The following CNTN5 variants were observed in gnomAD, a reference collection of about 807,000 sequenced individuals.
CNTN5 encodes the protein contactin 5, also known as contactin-5.
CNTN5 carries 77 observed loss-of-function variants against 129.1 expected under a neutral mutation model. The ratio of observed to expected loss-of-function variants is 0.60; its 90% CI spans 0.50 to 0.72. CNTN5 has a LOEUF of 0.72. CNTN5 is among the 30% of genes least tolerant of loss of function. The probability of loss-of-function intolerance (pLI) is 0.00; values close to 1 mark genes in which losing one functional copy is unlikely to be tolerated. For synonymous variants in CNTN5, 509 were observed against 465.6 expected (o/e 1.09, Z -1.20); for missense variants, 1,478 against 1,328.8 (o/e 1.11, Z -1.75).
intron 18 of CNTN5, among the ~76,000 whole-genome samples, chr11:100,289,425 T>G (rs1950894735): frequency 6.6e-6 from 1 of 150,666 alleles, no homozygotes; most frequent in South Asian, 2.1e-4. Flanking sequence ...TCACGTGGGC[T>G]TCACCCCTGG....
intron 10 of CNTN5, among the ~76,000 whole-genome samples, chr11:100,064,555 A>C (rs1943619337): frequency 6.6e-6 from 1 of 152,134 alleles, no homozygotes; most frequent in East Asian, 1.9e-4. Flanking sequence ...TAAAATACTA[A>C]GTTTTGGAAA....
chr11:100,013,518 T>G (rs2137532786), intron 9 of CNTN5, among the ~76,000 whole-genome samples: 1 of 152,326 alleles, frequency 6.6e-6, no homozygotes, highest in Admixed American at 6.5e-5. Context: ...ACTAAACTTC[T>G]ACCTTGTCCT....
chr11:99,308,859 A>G (rs1186209315), intron 1 of CNTN5, among the ~76,000 whole-genome samples: 3 of 152,006 alleles, frequency 2.0e-5, no homozygotes, highest in African/African-American at 7.2e-5. Context: ...TTCAGTTTGC[A>G]TATTTTTATT....
At position 99,450,129 on chromosome 11, in the gene CNTN5, G is replaced by A. The variant is rs548125778; in HGVS notation, c.-70-106016G>A. Among the ~76,000 whole-genome samples the A allele has an allele frequency of 2.3e-3, 356 of 151,960 alleles. 3 individuals carry two copies. The highest frequency in any genetic ancestry group is 0.015 in the South Asian group (71 of 4,810). On this transcript the variant is annotated intron_variant, in intron 2 of 24. Transcript: ENST00000524871. ...TTAGTGTTATTCCCCAGTGTTTGGGGAAAAAGAGTTACTGAAAAGAGCTCA... is the reference window on the plus strand; with the variant it reads ...TTAGTGTTATTCCCCAGTGTTTGGGAAAAAAGAGTTACTGAAAAGAGCTCA...
At chr11:99,666,365 C>A (rs1182347864) in intron 3 of CNTN5, among the ~76,000 whole-genome samples, 1 of 152,118 alleles carries the variant, frequency 6.6e-6, no homozygotes, top group African/African-American at 2.4e-5. Flanking sequence ...TTGGTCTCTT[C>A]TTGACTTTTT....
At chr11:99,918,497 C>T (rs894689347) in intron 7 of CNTN5, among the ~76,000 whole-genome samples, 1 of 151,848 alleles carries the variant, frequency 6.6e-6, no homozygotes, top group Non-Finnish European at 1.5e-5. Context: ...ATGTGTCTTC[C>T]CCAGTCTCAC....
chr11:100,269,591 T>C (rs1428146501), intron 17 of CNTN5, among the ~76,000 whole-genome samples: 1 of 152,168 alleles, frequency 6.6e-6, no homozygotes, highest in Non-Finnish European at 1.5e-5. Flanking sequence ...CTTTAGTTTC[T>C]ATTGGAGTAA....
At chr11:99,996,979 CA>C (rs1939491764) in intron 8 of CNTN5, among the ~76,000 whole-genome samples, 1 of 152,100 alleles carries the variant, frequency 6.6e-6, no homozygotes, top group Non-Finnish European at 1.5e-5. Context: ...GACACAGAGC[CA>C]AACCATATCA....
At chr11:99,963,809 T>C (rs1427452318) in intron 8 of CNTN5, among the ~76,000 whole-genome samples, 1 of 152,200 alleles carries the variant, frequency 6.6e-6, no homozygotes, top group African/African-American at 2.4e-5. Context: ...GTTCTTCCAT[T>C]TGTTTGTATC....
intron 2 of CNTN5, among the ~76,000 whole-genome samples, chr11:99,355,917 C>T (rs1938628228): frequency 6.6e-6 from 1 of 151,654 alleles, no homozygotes; most frequent in Non-Finnish European, 1.5e-5. Context: ...AGCTCCGCCA[C>T]TTGGGTTCAT....
At chr11:99,344,979 T>C (rs1937725520) in intron 2 of CNTN5, among the ~76,000 whole-genome samples, 1 of 152,168 alleles carries the variant, frequency 6.6e-6, no homozygotes, top group Non-Finnish European at 1.5e-5. Context: ...TGTAGCTTTC[T>C]GCATCTGAAG....
At position 99,556,251 on chromosome 11, in the gene CNTN5, G is replaced by A; in HGVS notation, c.37G>A (p.Val13Ile). 6.5e-7 allele frequency: 1 copy of A among 1,527,016 alleles called. No homozygotes were observed. Among genetic ancestry groups the A allele is most frequent in the African/African-American group, 1.4e-5 (1 of 72,670 alleles). 94.6% of individuals were successfully genotyped at this position (1,527,016 alleles called of 1,614,324 possible). The change falls in exon 3 of 25, where the codon GTC (valine) becomes ATC (isoleucine). Residue 13 changes from valine (V) to isoleucine (I), a missense_variant. Val to Ile is a conservative substitution (Grantham distance 29, BLOSUM62 3). Coordinates refer to ENST00000524871, the MANE Select transcript of CNTN5 (RefSeq NM_014361.4). The part of the protein sequence containing the change: ...SSWKLMLFLS[V>I]TMCLSEYSKS... ...TTGGAAACTAATGCTGTTTCTGTCA[G>A]TCACCATGTGTCTTTCAGGTAAAAG...
intron 2 of CNTN5, among the ~76,000 whole-genome samples, chr11:99,523,616 GAAT>G (rs1947355617): frequency 2.6e-5 from 1 of 39,066 alleles, no homozygotes; most frequent in African/African-American, 9.4e-5. Context: ...GAATAGAATA[GAAT>G]AGAATAGAAT....
chr11:99,991,267 A>G (rs1478050409), intron 8 of CNTN5, among the ~76,000 whole-genome samples: 1 of 152,132 alleles, frequency 6.6e-6, no homozygotes, highest in Non-Finnish European at 1.5e-5. Context: ...GGAGATCGAG[A>G]CCATCCTGAC....
chr11:100,176,027 CT>C (rs1025910244), intron 13 of CNTN5, among the ~76,000 whole-genome samples: 18 of 151,362 alleles, frequency 1.2e-4, no homozygotes, highest in African/African-American at 4.1e-4. Flanking sequence ...GGATTCATAA[CT>C]TTTTTTTTCT....
At chr11:99,247,509 G>A (rs1401870647) in intron 1 of CNTN5, among the ~76,000 whole-genome samples, 3 of 151,612 alleles carry the variant, frequency 2.0e-5, no homozygotes, top group African/African-American at 4.9e-5. Context: ...TGTGCACAAC[G>A]TGCAGGTTAG....
rs113485053 is a variant in CNTN5 at position 99,390,345 on chromosome 11, A to G, written c.-71+64861A>G. Among the ~76,000 whole-genome samples, 829 of 152,248 alleles carry G rather than the reference A, an allele frequency of 5.4e-3. 1 individual carries two copies. The highest frequency in any genetic ancestry group is 0.01 in the Middle Eastern group (3 of 294). On this transcript the variant is annotated intron_variant, in intron 2 of 24. Transcript: ENST00000524871. ...TATTGCCCACACTGGTCTTGAACCCATGGCTCAAACTATCCTCCAGTCTCA... is the reference window on the plus strand; with the variant it reads ...TATTGCCCACACTGGTCTTGAACCCGTGGCTCAAACTATCCTCCAGTCTCA...
chr11:99,573,457 C>T (rs1949241599), intron 3 of CNTN5, among the ~76,000 whole-genome samples: 1 of 151,856 alleles, frequency 6.6e-6, no homozygotes, highest in Non-Finnish European at 1.5e-5. Context: ...GTAGTCCCAG[C>T]TATTCGGGAG....
intron 1 of CNTN5, among the ~76,000 whole-genome samples, chr11:99,160,616 C>T (rs1860561976): frequency 6.6e-6 from 1 of 152,160 alleles, no homozygotes; most frequent in Admixed American, 6.5e-5. Context: ...GGGGAGTAAA[C>T]TTAATTAGTC....
Sources: allele counts gnomAD v4.1 joint callset (sites outside exome capture counted in the v4.1 genomes callset), GRCh38; gene constraint gnomAD v4.1.1; transcripts MANE v1.5; gene names NCBI Gene and HGNC (gene_info 2026-07-23, HGNC 2026-07-21).